The following CERS6 variants were observed in gnomAD, a reference collection of about 807,000 sequenced individuals.
CERS6 encodes the protein ceramide synthase 6.
In CERS6, 26 loss-of-function variants were observed where a neutral mutation model predicts 56.8. The ratio of observed to expected loss-of-function variants is 0.46; its 90% CI spans 0.34 to 0.63. The LOEUF is 0.63. CERS6 is among the 30% of genes least tolerant of loss of function. CERS6 has a pLI of 0.01. For synonymous variants in CERS6, 164 were observed against 173.3 expected (o/e 0.95, Z 0.42); for missense variants, 415 against 467.5 (o/e 0.89, Z 1.04).
At chr2:168,661,669 G>A (rs1685631961) in intron 4 of CERS6, among the ~76,000 whole-genome samples, 1 of 152,212 alleles carries the variant, frequency 6.6e-6, no homozygotes, top group African/African-American at 2.4e-5. Flanking sequence ...TTCAGGGTAA[G>A]CAATGTAAAG....
At chr2:168,575,987 A>G (rs866418926) in intron 3 of CERS6, among the ~76,000 whole-genome samples, 2 of 152,280 alleles carry the variant, frequency 1.3e-5, no homozygotes, top group African/African-American at 4.8e-5. Context: ...AAGTTGCCTT[A>G]GAGAGGAGCA....
intron 3 of CERS6, among the ~76,000 whole-genome samples, chr2:168,571,604 A>G (rs147533744): frequency 5.8e-4 from 88 of 152,272 alleles, no homozygotes; most frequent in Admixed American, 1.1e-3. Flanking sequence ...ATTCATAATA[A>G]GCCCTCCACA....
chr2:168,598,551 A>G (rs1683857313), intron 3 of CERS6, among the ~76,000 whole-genome samples: 1 of 152,174 alleles, frequency 6.6e-6, no homozygotes, highest in African/African-American at 2.4e-5. Context: ...TGATTATCAC[A>G]TGGTACTCGT....
chr2:168,640,589 A>T (rs745873330), intron 4 of CERS6, among the ~76,000 whole-genome samples: 1 of 152,228 alleles, frequency 6.6e-6, no homozygotes. Context: ...TGGGAGCCTA[A>T]TTCAATTTAG....
At chr2:168,606,153 A>G (rs1451749946) in intron 3 of CERS6, among the ~76,000 whole-genome samples, 1 of 152,186 alleles carries the variant, frequency 6.6e-6, no homozygotes, top group Non-Finnish European at 1.5e-5. Flanking sequence ...TGCCCAAGGA[A>G]GGCCTGGGGA....
At chr2:168,483,105 T>G (rs1694206610) in intron 1 of CERS6, among the ~76,000 whole-genome samples, 1 of 152,224 alleles carries the variant, frequency 6.6e-6, no homozygotes, top group Non-Finnish European at 1.5e-5. Flanking sequence ...TCAAAGATTA[T>G]GGTTAACATT....
chr2:168,651,112 GATA>G (rs1227268351), intron 4 of CERS6, among the ~76,000 whole-genome samples: 1 of 152,154 alleles, frequency 6.6e-6, no homozygotes, highest in African/African-American at 2.4e-5. Flanking sequence ...CTTAAATGGT[GATA>G]ATTAGATTTT....
chr2:168,542,083 CT>C (rs1200588276), intron 1 of CERS6, among the ~76,000 whole-genome samples: 1 of 152,084 alleles, frequency 6.6e-6, no homozygotes, highest in African/African-American at 2.4e-5. Context: ...AGTCAGTTTC[CT>C]TTTTTTCAGT....
intron 7 of CERS6, among the ~76,000 whole-genome samples, chr2:168,716,306 G>C (rs993306731): frequency 2.0e-5 from 3 of 152,054 alleles, no homozygotes; most frequent in Admixed American, 2.0e-4. Flanking sequence ...TTACCATTTG[G>C]TTAAATCTTA....
chr2:168,689,759 A>T (rs1314810561), intron 4 of CERS6, among the ~76,000 whole-genome samples: 3 of 152,204 alleles, frequency 2.0e-5, no homozygotes, highest in African/African-American at 7.2e-5. Flanking sequence ...TCGGAAAGAA[A>T]ATGAATAGTG....
rs559869609 is a variant in CERS6, at chr2:168,727,315, CT to C, written c.845+9338del. ...CTGTAATCCCAGCACTTTGGGAGGC[CT>C]GAGGTGGGCAGATCACGAGGTCAAG... is the stretch of plus-strand genomic sequence containing the variant. On this transcript the variant is annotated intron_variant, in intron 8 of 9. Coordinates refer to ENST00000305747, the MANE Select transcript of CERS6 (RefSeq NM_203463.3). Among the ~76,000 whole-genome samples, 1,083 of 152,118 alleles carry C rather than the reference CT, an allele frequency of 7.1e-3. 11 individuals carry two copies. The highest frequency in any genetic ancestry group is 0.024 in the African/African-American group (1,015 of 41,490).
intron 2 of CERS6, among the ~76,000 whole-genome samples, chr2:168,550,586 A>C (rs1254090353): frequency 6.6e-6 from 1 of 152,158 alleles, no homozygotes; most frequent in African/African-American, 2.4e-5. Context: ...CCTGTGACTT[A>C]GTGTGCACAT....
chr2:168,570,713 C>G (rs1695970132), intron 3 of CERS6, among the ~76,000 whole-genome samples: 1 of 146,612 alleles, frequency 6.8e-6, no homozygotes, highest in African/African-American at 2.4e-5. Flanking sequence ...ATCGAATCTA[C>G]CTGGTTCATG....
chr2:168,740,613 C>T (rs925613592), intron 8 of CERS6, among the ~76,000 whole-genome samples: 1 of 152,112 alleles, frequency 6.6e-6, no homozygotes, highest in South Asian at 2.1e-4. Context: ...TTGGAGCTGC[C>T]GTCTGAAGAA....
Position 168,561,339 on chromosome 2 carries a change from C to G in CERS6, c.407+17C>G, listed in dbSNP as rs1307116352. 2 of 1,613,628 alleles carry G rather than the reference C, an allele frequency of 1.2e-6. No individual in the cohort carries two copies. The highest frequency in any genetic ancestry group is 1.7e-6 in the Non-Finnish European group (2 of 1,179,832). ...TGAGAGCATGTAAGTTGCTGTTTTT[C>G]TTTTTGAAAGAAAAGACCTAAGTAC... On this transcript the variant is annotated intron_variant, in intron 3 of 9. Coordinates refer to ENST00000305747, the MANE Select transcript of CERS6 (RefSeq NM_203463.3).
At chr2:168,528,241 A>G (rs1268050217) in intron 1 of CERS6, among the ~76,000 whole-genome samples, 1 of 152,136 alleles carries the variant, frequency 6.6e-6, no homozygotes, top group Admixed American at 6.5e-5. Context: ...TTTCATCAGC[A>G]GCTGTTCTAC....
chr2:168,653,996 G>T (rs1309282667), intron 4 of CERS6, among the ~76,000 whole-genome samples: 1 of 152,064 alleles, frequency 6.6e-6, no homozygotes, highest in African/African-American at 2.4e-5. Flanking sequence ...TCTTCCTAAT[G>T]AATTTCAAAG....
At chr2:168,547,176 G>A (rs1365024201) in intron 1 of CERS6, among the ~76,000 whole-genome samples, 1 of 152,152 alleles carries the variant, frequency 6.6e-6, no homozygotes, top group Non-Finnish European at 1.5e-5. Context: ...TGGTCAAAGC[G>A]CTCTCTCTGC....
chr2:168,665,492 G>A (rs552100875), intron 4 of CERS6, among the ~76,000 whole-genome samples: 3 of 152,258 alleles, frequency 2.0e-5, no homozygotes, highest in African/African-American at 7.2e-5. Flanking sequence ...CCCTCGGATG[G>A]TGGGAACTAT....
Sources: allele counts gnomAD v4.1 joint callset (sites outside exome capture counted in the v4.1 genomes callset), GRCh38; gene constraint gnomAD v4.1.1; transcripts MANE v1.5; gene names NCBI Gene and HGNC (gene_info 2026-07-23, HGNC 2026-07-21).